The following NUP210 variants were observed in gnomAD, a reference collection of about 807,000 sequenced individuals.
NUP210 encodes nucleoporin 210, also known as nuclear pore membrane glycoprotein 210.
A neutral mutation model predicts 196.0 loss-of-function variants in NUP210; 151 were observed. The ratio of observed to expected loss-of-function variants is 0.77; its 90% CI spans 0.67 to 0.88. The LOEUF is 0.88. NUP210 is among the 40% of genes least tolerant of loss of function. The pLI, the probability that NUP210 is intolerant of heterozygous loss-of-function variation, is 0.00. For synonymous variants in NUP210, 1,070 were observed against 1,052.7 expected (o/e 1.02, Z -0.32); for missense variants, 2,314 against 2,493.7 (o/e 0.93, Z 1.53).
At chr3:13,333,300 G>T (rs959991042) in intron 28 of NUP210, among the ~76,000 whole-genome samples, 13 of 152,226 alleles carry the variant, frequency 8.5e-5, no homozygotes, top group Admixed American at 8.5e-4. Flanking sequence ...AGGCCCCTCA[G>T]GGCTGCTGCC....
chr3:13,412,418 TA>T (rs1001908083), intron 1 of NUP210, among the ~76,000 whole-genome samples: 2 of 151,668 alleles, frequency 1.3e-5, no homozygotes, highest in African/African-American at 4.8e-5. Context: ...AAAATTACTT[TA>T]AAAGGAAACC....
In NUP210 at chr3:13,337,539, T is replaced by A. The variant is rs375405194; in HGVS notation, c.3552+298A>T. On this transcript the variant is annotated intron_variant, in intron 26 of 39. Coordinates refer to ENST00000254508, the MANE Select transcript of NUP210 (RefSeq NM_024923.4). Reference sequence around the variant, plus strand: ...TCCCAGGGCTGCTATGAACACCAAATGGATTAATGTCCAAGACAGCACGGA... The same window carrying A: ...TCCCAGGGCTGCTATGAACACCAAAAGGATTAATGTCCAAGACAGCACGGA... Among the ~76,000 whole-genome samples, 645 of 152,312 alleles carry A rather than the reference T, an allele frequency of 4.2e-3. 2 individuals carry two copies. Among genetic ancestry groups the A allele is most frequent in the South Asian group, 0.037 (179 of 4,820 alleles).
At chr3:13,392,876 G>A (rs1260805614) in intron 3 of NUP210, among the ~76,000 whole-genome samples, 4 of 151,884 alleles carry the variant, frequency 2.6e-5, no homozygotes, top group Non-Finnish European at 4.4e-5. Flanking sequence ...CAGCAGGCCG[G>A]CTTTGCAGTA....
chr3:13,364,626 C>G (rs1194506510), intron 14 of NUP210, among the ~76,000 whole-genome samples: 1 of 152,036 alleles, frequency 6.6e-6, no homozygotes, highest in Admixed American at 6.6e-5. Flanking sequence ...GTCGGGAGTT[C>G]GGGACCAGCC....
intron 14 of NUP210, among the ~76,000 whole-genome samples, chr3:13,365,172 A>G (rs915814947): frequency 6.6e-6 from 1 of 151,924 alleles, no homozygotes; most frequent in Non-Finnish European, 1.5e-5. Flanking sequence ...CTTCACACCC[A>G]CCCCAGAGGA....
At chr3:13,324,477 C>T (rs981808304) in intron 33 of NUP210, among the ~76,000 whole-genome samples, 33 of 152,290 alleles carry the variant, frequency 2.2e-4, no homozygotes, top group Admixed American at 1.4e-3. Context: ...TCCTCACCTC[C>T]CTGCAGGCCT....
intron 20 of NUP210, among the ~76,000 whole-genome samples, chr3:13,349,621 C>T (rs1697896620): frequency 6.6e-6 from 1 of 152,244 alleles, no homozygotes; most frequent in South Asian, 2.1e-4. Context: ...CTGTGCCCAG[C>T]ACCATAGCTC....
chr3:13,361,707 T>C (rs1698377329), intron 14 of NUP210, among the ~76,000 whole-genome samples: 1 of 152,138 alleles, frequency 6.6e-6, no homozygotes, highest in African/African-American at 2.4e-5. Context: ...CAGCTGCCCA[T>C]GTGTCCCTCA....
Position 13,330,637 on chromosome 3 carries a change from T to A in NUP210, c.3936-3A>T, listed in dbSNP as rs745641436. On this transcript the variant is annotated splice_polypyrimidine_tract_variant and splice_region_variant and intron_variant, in intron 29 of 39. Transcript: ENST00000254508. ...AGCTCAGAGAGGCTGCACCATCCCTTTGGAAAACAAAACAGAGCTGTTTTT... is the reference window on the plus strand; with the variant it reads ...AGCTCAGAGAGGCTGCACCATCCCTATGGAAAACAAAACAGAGCTGTTTTT... 5.6e-6 allele frequency: 9 copies of A among 1,613,106 alleles called. No individual in the cohort carries two copies. In the East Asian group the frequency reaches 2.0e-4, roughly 36 times the overall value.
intron 1 of NUP210, among the ~76,000 whole-genome samples, chr3:13,418,948 CAAAAAAA>C (rs112826426): frequency 1.7e-3 from 89 of 52,502 alleles, no homozygotes; most frequent in African/African-American, 4.4e-3. Flanking sequence ...AACTCCGTCT[CAAAAAAA>C]AAAAAAAAAA....
chr3:13,410,805 C>A (rs979737689), intron 1 of NUP210, among the ~76,000 whole-genome samples: 3 of 151,210 alleles, frequency 2.0e-5, no homozygotes, highest in African/African-American at 7.3e-5. Context: ...GTAGTCCCAG[C>A]TACTTGGGAG....
At chr3:13,353,788 G>A in intron 17 of NUP210, 127 bp downstream of exon 17, 1 of 1,223,984 alleles carries the variant, frequency 8.2e-7, no homozygotes, top group Non-Finnish European at 1.2e-6. Context: ...GAAACTATGT[G>A]GATTGTAAGA....
At chr3:13,335,386 C>A in intron 28 of NUP210, 68 bp downstream of exon 28, 1 of 1,558,628 alleles carries the variant, frequency 6.4e-7, no homozygotes. Flanking sequence ...ACATGTGGCC[C>A]CGAAGGAAGA....
intron 6 of NUP210, among the ~76,000 whole-genome samples, chr3:13,382,967 GA>G (rs1699151038): frequency 6.6e-6 from 1 of 151,940 alleles, no homozygotes. Context: ...ACAACACAGA[GA>G]GACCGCATCT....
intron 3 of NUP210, 62 bp from the exon 4 acceptor site, chr3:13,391,369 C>T (rs1014060862): frequency 4.1e-5 from 44 of 1,085,814 alleles, no homozygotes; most frequent in African/African-American, 6.7e-5. Flanking sequence ...TGGAGGGAGG[C>T]GTGATGGGAG....
rs746149871 is a variant in NUP210 at position 13,360,381 on chromosome 3, G to C, written c.2043C>G (p.Asn681Lys). The change falls in exon 15 of 40, where the codon AAC (asparagine) becomes AAG (lysine). Residue 681 changes from asparagine (N) to lysine (K), a missense_variant. Transcript: ENST00000254508. ...TGCTGTCAGTGTCCTCAGCGGTGACGTTCTGGAAGAATTTGGACGGCTCGA... is the reference window on the plus strand; with the variant it reads ...TGCTGTCAGTGTCCTCAGCGGTGACCTTCTGGAAGAATTTGGACGGCTCGA... ...WILEPSKFFQ[N>K]VTAEDTDSIG... 1.2e-6 allele frequency: 2 copies of C among 1,614,168 alleles called. No individual in the cohort carries two copies. The highest frequency in any genetic ancestry group is 2.2e-5 in the South Asian group (2 of 91,070).
chr3:13,389,547 C>T (rs943063443), intron 4 of NUP210, among the ~76,000 whole-genome samples: 12 of 152,184 alleles, frequency 7.9e-5, no homozygotes, highest in Admixed American at 7.9e-4. Flanking sequence ...GACTCTCTGG[C>T]CCATGGTCAT....
chr3:13,395,960 A>G (rs530512796), intron 3 of NUP210, among the ~76,000 whole-genome samples: 2 of 152,352 alleles, frequency 1.3e-5, no homozygotes, highest in African/African-American at 4.8e-5. Context: ...AACACTGTAC[A>G]TATTTCTCAC....
At chr3:13,332,962 C>T (rs1697059368) in intron 28 of NUP210, among the ~76,000 whole-genome samples, 1 of 152,324 alleles carries the variant, frequency 6.6e-6, no homozygotes, top group Non-Finnish European at 1.5e-5. Context: ...AAGGTGCCAC[C>T]GAACTGCTCC....
Sources: gnomAD v4.1 joint callset for allele counts (sites outside exome capture counted in the v4.1 genomes callset) on GRCh38, gnomAD v4.1.1 for gene constraint, MANE v1.5 for transcripts, NCBI Gene and HGNC (gene_info 2026-07-23, HGNC 2026-07-21) for gene names.